Variants in ALPK2 observed in about 807,000 individuals in gnomAD.
ALPK2 encodes alpha-protein kinase 2.
In ALPK2, 127 loss-of-function variants were observed where a neutral mutation model predicts 163.1. That is an observed-to-expected ratio of 0.78 (90% CI 0.67 to 0.90). The LOEUF is 0.90. ALPK2 is among the 40% of genes least tolerant of loss of function. ALPK2 has a pLI of 0.00. For missense variants in ALPK2, 2,360 were observed against 2,589.6 expected (o/e 0.91, Z 1.92); for synonymous variants, 953 against 959.1 (o/e 0.99, Z 0.12).
At chr18:58,570,005 C>T (rs916681327) in intron 4 of ALPK2, among the ~76,000 whole-genome samples, 11 of 152,120 alleles carry the variant, frequency 7.2e-5, no homozygotes, top group Non-Finnish European at 1.6e-4. Flanking sequence ...TGGCGGGTGC[C>T]TGTAATCCCA....
Position 58,537,876 on chromosome 18 carries a change from G to C in ALPK2, c.2311C>G (p.Pro771Ala), listed in dbSNP as rs1366070969. The C allele has an allele frequency of 3.1e-6, 5 of 1,614,048 alleles. No homozygotes were observed. The highest frequency in any genetic ancestry group is 1.3e-5 in the African/African-American group (1 of 74,896). The change falls in exon 5 of 13, where the codon CCT becomes GCT. Residue 771 changes from proline to alanine, a missense_variant. Transcript: ENST00000361673. ...GGGGAAGCAACAGAGACAGCCACAG[G>C]CTCCCTGAAGTCAGCACGAGCATCC... Reference protein sequence around the residue: ...PKDARADFREPVAVSVASPEP... With the variant: ...PKDARADFREAVAVSVASPEP...
intron 12 of ALPK2, among the ~76,000 whole-genome samples, chr18:58,484,853 G>A (rs12608009): frequency 0.25 from 37,718 of 152,146 alleles, 6,571 homozygotes; most frequent in East Asian, 0.76. Context: ...TAAAGATTCA[G>A]CTGATGTTGA....
At chr18:58,490,613 G>A (rs1773031922) in intron 12 of ALPK2, among the ~76,000 whole-genome samples, 1 of 151,508 alleles carries the variant, frequency 6.6e-6, no homozygotes, top group African/African-American at 2.4e-5. Flanking sequence ...TTCCCTCATA[G>A]CCTCCCTGGC....
chr18:58,566,008 C>T (rs1204196353), intron 4 of ALPK2, among the ~76,000 whole-genome samples: 1 of 152,138 alleles, frequency 6.6e-6, no homozygotes, highest in African/African-American at 2.4e-5. Context: ...GTCTAGGACT[C>T]CTGACCTCAT....
intron 3 of ALPK2, among the ~76,000 whole-genome samples, chr18:58,590,218 TAAA>T (rs11286325): frequency 3.5e-4 from 34 of 97,220 alleles, no homozygotes; most frequent in South Asian, 3.7e-4. Flanking sequence ...AGGCTCCATC[TAAA>T]AAAAAAAAAA....
Position 58,513,758 on chromosome 18 carries a change from T to C in ALPK2, c.6029+1235A>G, listed in dbSNP as rs4940722. ...AGCCAGGTGTGGTGGTGAGCACCTG[T>C]AGTCCCAGTTACTTTGGAGGCTGGA... is the stretch of plus-strand genomic sequence containing the variant. On this transcript the variant is annotated intron_variant, in intron 10 of 12. Coordinates refer to ENST00000361673, the MANE Select transcript of ALPK2 (RefSeq NM_052947.4). Among the ~76,000 whole-genome samples the C allele has an allele frequency of 4.3e-3, 659 of 152,198 alleles. 12 individuals carry two copies. Among genetic ancestry groups the C allele is most frequent in the Admixed American group, 0.039 (601 of 15,286 alleles).
chr18:58,619,916 CT>C (rs1262921871), intron 1 of ALPK2, among the ~76,000 whole-genome samples: 5 of 152,296 alleles, frequency 3.3e-5, no homozygotes, highest in Admixed American at 1.3e-4. Context: ...TGGAAATAAC[CT>C]AACGGTCCAA....
chr18:58,556,652 A>T (rs567574865), intron 4 of ALPK2, among the ~76,000 whole-genome samples: 1 of 152,336 alleles, frequency 6.6e-6, no homozygotes, highest in African/African-American at 2.4e-5. Flanking sequence ...TACCAAGGGT[A>T]GAAATCCCTA....
chr18:58,598,987 T>C (rs2052055415), intron 3 of ALPK2, among the ~76,000 whole-genome samples: 1 of 152,106 alleles, frequency 6.6e-6, no homozygotes, highest in Admixed American at 6.6e-5. Context: ...TTCTAGTGAT[T>C]GGTGCACCTT....
chr18:58,553,138 T>C (rs1424804474), intron 4 of ALPK2, among the ~76,000 whole-genome samples: 1 of 152,148 alleles, frequency 6.6e-6, no homozygotes, highest in East Asian at 1.9e-4. Flanking sequence ...TGGGATGGCT[T>C]CTCTCTCAGA....
chr18:58,572,400 G>A (rs559911060), intron 4 of ALPK2, among the ~76,000 whole-genome samples: 1 of 152,270 alleles, frequency 6.6e-6, no homozygotes, highest in South Asian at 2.1e-4. Flanking sequence ...TCCTGGGCAT[G>A]GGTCCCATAG....
intron 12 of ALPK2, among the ~76,000 whole-genome samples, chr18:58,483,128 G>T (rs1278327023): frequency 1.3e-5 from 2 of 152,164 alleles, no homozygotes; most frequent in African/African-American, 4.8e-5. Context: ...ATGTCCAAGG[G>T]TCCTCCTTGT....
chr18:58,495,768 C>T (rs955106607), intron 12 of ALPK2, among the ~76,000 whole-genome samples: 11 of 152,232 alleles, frequency 7.2e-5, no homozygotes, highest in African/African-American at 2.7e-4. Flanking sequence ...TTATCTAGCT[C>T]ACTTCCAGTT....
At chr18:58,511,609 A>T (rs1262294417) in intron 10 of ALPK2, 1 of 152,228 alleles carries the variant, frequency 6.6e-6, no homozygotes, top group Non-Finnish European at 1.5e-5. Flanking sequence ...GCTTGGAAAA[A>T]CATTATTTTT....
chr18:58,484,623 A>C (rs1441593021), intron 12 of ALPK2, among the ~76,000 whole-genome samples: 1 of 152,222 alleles, frequency 6.6e-6, no homozygotes, highest in African/African-American at 2.4e-5. Flanking sequence ...ATGCGCCTGT[A>C]GTCCCAGCTA....
At position 58,517,037 on chromosome 18, in the gene ALPK2, T is replaced by C; in HGVS notation, c.5811A>G (p.Thr1937=). The C allele has an allele frequency of 1.9e-6, 3 of 1,614,244 alleles. No homozygotes were observed. The highest frequency in any genetic ancestry group is 2.5e-6 in the Non-Finnish European group (3 of 1,180,036). Residue 1937 remains threonine (T), a synonymous_variant, in exon 9 of 13, where the codon ACA becomes ACG. Transcript: ENST00000361673. The part of the protein sequence containing the change: ...EGVHRKAFRS[T]VMHGLMPVFK... ...AGACAGGCATGAGGCCGTGCATCAC[T>C]GTGCTGCGGAAGGCTTTGCGGTGAA...
At chr18:58,574,899 G>A (rs1359049877) in intron 4 of ALPK2, among the ~76,000 whole-genome samples, 2 of 152,178 alleles carry the variant, frequency 1.3e-5, no homozygotes, top group Non-Finnish European at 2.9e-5. Flanking sequence ...ATAAAGTGGT[G>A]GAGACCAACG....
intron 4 of ALPK2, among the ~76,000 whole-genome samples, chr18:58,549,292 G>A (rs1232026460): frequency 6.6e-6 from 1 of 152,164 alleles, no homozygotes; most frequent in Non-Finnish European, 1.5e-5. Flanking sequence ...TACAACAGCA[G>A]GGTTGCATTT....
At chr18:58,492,251 AACAAAG>A (rs1267916592) in intron 12 of ALPK2, among the ~76,000 whole-genome samples, 24 of 152,114 alleles carry the variant, frequency 1.6e-4, no homozygotes, top group African/African-American at 5.3e-4. Context: ...CAGACACAGA[AACAAAG>A]ACAAAGACAC....
Sources: gnomAD v4.1 joint callset for allele counts (sites outside exome capture counted in the v4.1 genomes callset) on GRCh38, gnomAD v4.1.1 for gene constraint, MANE v1.5 for transcripts, NCBI Gene and HGNC (gene_info 2026-07-23, HGNC 2026-07-21) for gene names.